Variants in HS6ST2 observed in about 807,000 individuals in gnomAD.
HS6ST2 encodes heparan-sulfate 6-O-sulfotransferase 2.
Under a neutral mutation model 33.0 loss-of-function variants are expected in HS6ST2, and 17 were observed. That is an observed-to-expected ratio of 0.52 (90% confidence interval 0.35 to 0.77). The LOEUF (loss-of-function observed/expected upper bound fraction) is 0.77, where lower values mean the gene tolerates loss of function less well. Ranked by LOEUF, HS6ST2 falls within the 30% of genes least tolerant of loss-of-function variation. HS6ST2 has a pLI of 0.01. For missense variants in HS6ST2, 519 were observed against 551.7 expected (o/e 0.94, Z 0.59); for synonymous variants, 248 against 237.1 (o/e 1.05, Z -0.42).
At chrX:132,788,010 G>A (rs2065083437) in intron 2 of HS6ST2, among the ~76,000 whole-genome samples, 1 of 111,833 alleles carries the variant, frequency 8.9e-6, no homozygotes, top group South Asian at 3.8e-4. Flanking sequence ...TGAAACTAAC[G>A]ATAGGGTATT....
upstream of HS6ST2, among the ~76,000 whole-genome samples, chrX:132,959,953 T>C (rs2067131102): frequency 8.9e-6 from 1 of 112,051 alleles, no homozygotes; most frequent in African/African-American, 3.2e-5. Context: ...TTCCCAGCCC[T>C]GGCTAGACTT....
At chrX:132,757,476 A>G (rs1218076104) in intron 2 of HS6ST2, among the ~76,000 whole-genome samples, 1 of 111,189 alleles carries the variant, frequency 9.0e-6, no homozygotes, top group Non-Finnish European at 1.9e-5. Context: ...TTGTAATATG[A>G]TTCGTGGCAC....
At chrX:132,836,731 C>T (rs1364822271) in intron 2 of HS6ST2, among the ~76,000 whole-genome samples, 1 of 112,707 alleles carries the variant, frequency 8.9e-6, no homozygotes, top group Non-Finnish European at 1.9e-5. Context: ...AACTAGCATA[C>T]TACATGGCAG....
At chrX:132,733,968 T>C (rs2064482691) in intron 2 of HS6ST2, among the ~76,000 whole-genome samples, 1 of 104,376 alleles carries the variant, frequency 9.6e-6, no homozygotes, top group Non-Finnish European at 1.9e-5. Context: ...ACTTTACCTA[T>C]ATTTTAGGGT....
intron 2 of HS6ST2, among the ~76,000 whole-genome samples, chrX:132,765,325 A>G (rs771639372): frequency 8.9e-6 from 1 of 112,950 alleles, no homozygotes; most frequent in African/African-American, 3.2e-5. Flanking sequence ...ATGCGTGTGG[A>G]GACACACGTG....
In HS6ST2 at chrX:132,626,600, G is replaced by A. The variant is rs1403776825; in HGVS notation, c.*1623C>T. 2.7e-5 allele frequency: 3 copies of A among 112,179 alleles called. No individual in the cohort carries two copies. The Admixed American group carries it at 2.8e-4, about 11-fold the overall frequency. The allele number at this position is 112,179 out of a possible 1,213,427, so 9.2% of individuals were successfully genotyped here. On this transcript the variant is annotated 3_prime_UTR_variant, in exon 5 of 5. Transcript: ENST00000370833. ...AGTTTGTGGCTATATTACTACAGATGAAACACATGAGCAGATTGTACAAGA... is the reference window on the plus strand; with the variant it reads ...AGTTTGTGGCTATATTACTACAGATAAAACACATGAGCAGATTGTACAAGA...
At chrX:132,951,250 C>T (rs1391750416) in intron 2 of HS6ST2, among the ~76,000 whole-genome samples, 1 of 111,560 alleles carries the variant, frequency 9.0e-6, no homozygotes, top group African/African-American at 3.3e-5. Flanking sequence ...CTCATACTTA[C>T]TGGGGTTCCT....
intron 2 of HS6ST2, among the ~76,000 whole-genome samples, chrX:132,837,384 G>C (rs1453820329): frequency 6.3e-5 from 7 of 110,717 alleles, no homozygotes; most frequent in Non-Finnish European, 7.6e-5. Flanking sequence ...TCACGTGCCT[G>C]AGTCTGCTCC....
intron 2 of HS6ST2, among the ~76,000 whole-genome samples, chrX:132,955,074 G>A (rs1017354859): frequency 4.4e-5 from 5 of 112,388 alleles, no homozygotes; most frequent in African/African-American, 1.6e-4. Context: ...TCACTTCTCT[G>A]CTATAGTCAT....
intron 2 of HS6ST2, among the ~76,000 whole-genome samples, chrX:132,896,208 T>C (rs1188539059): frequency 9.0e-6 from 1 of 110,962 alleles, no homozygotes; most frequent in African/African-American, 3.3e-5. Context: ...TGTTGGCTCA[T>C]GCCTGTAATC....
chrX:132,780,528 T>C (rs887656457), intron 2 of HS6ST2, among the ~76,000 whole-genome samples: 7 of 111,231 alleles, frequency 6.3e-5, no homozygotes, highest in Non-Finnish European at 1.1e-4. Flanking sequence ...CTCAGTTAGA[T>C]CAATTGATTT....
At chrX:132,660,347 C>T (rs766321991) in intron 4 of HS6ST2, among the ~76,000 whole-genome samples, 2 of 110,942 alleles carry the variant, frequency 1.8e-5, no homozygotes, top group Non-Finnish European at 3.8e-5. Flanking sequence ...GAGGGAGAGC[C>T]GGTAACCTTC....
intron 3 of HS6ST2, among the ~76,000 whole-genome samples, chrX:132,671,532 T>A (rs745741404): frequency 9.3e-6 from 1 of 107,883 alleles, no homozygotes; most frequent in African/African-American, 3.4e-5. Flanking sequence ...TCCTCTATAG[T>A]TTACATTATA....
At chrX:132,640,993 C>T (rs896499578) in intron 4 of HS6ST2, among the ~76,000 whole-genome samples, 1 of 111,839 alleles carries the variant, frequency 8.9e-6, no homozygotes, top group Non-Finnish European at 1.9e-5. Flanking sequence ...GTGGTGAGCA[C>T]AGTTCCCAAT....
At chrX:132,743,427 A>G (rs980966140) in intron 2 of HS6ST2, among the ~76,000 whole-genome samples, 1 of 112,481 alleles carries the variant, frequency 8.9e-6, no homozygotes, top group Non-Finnish European at 1.9e-5. Flanking sequence ...CAACCAAAAA[A>G]AGGGGACTGC....
intron 4 of HS6ST2, among the ~76,000 whole-genome samples, chrX:132,665,255 C>G (rs920340938): frequency 8.0e-5 from 9 of 112,005 alleles, no homozygotes; most frequent in African/African-American, 2.3e-4. Flanking sequence ...ATCCTGAGAT[C>G]TGGCTCCTGG....
intron 4 of HS6ST2, 88 bp from the exon 5 acceptor site, chrX:132,629,181 G>T: frequency 9.8e-7 from 1 of 1,017,723 alleles, no homozygotes; most frequent in Non-Finnish European, 1.3e-6. Flanking sequence ...GGTGTTCACT[G>T]GCTAAAAAGG....
At chrX:132,839,794 G>A (rs1333446162) in intron 2 of HS6ST2, among the ~76,000 whole-genome samples, 1 of 111,008 alleles carries the variant, frequency 9.0e-6, no homozygotes, top group South Asian at 3.9e-4. Context: ...CCATGGAAGT[G>A]GGAAGATGCA....
intron 3 of HS6ST2, among the ~76,000 whole-genome samples, chrX:132,670,423 C>T (rs2063859141): frequency 9.0e-6 from 1 of 110,708 alleles, no homozygotes; most frequent in African/African-American, 3.3e-5. Context: ...CTGGTGATTG[C>T]AAAGGTAATA....
Sources: allele counts gnomAD v4.1 joint callset (sites outside exome capture counted in the v4.1 genomes callset), GRCh38; gene constraint gnomAD v4.1.1; transcripts MANE v1.5; gene names NCBI Gene and HGNC (gene_info 2026-07-23, HGNC 2026-07-21).